The following CD96 variants were observed in gnomAD, a reference collection of about 807,000 sequenced individuals.
The protein encoded by CD96 is T-cell surface protein tactile.
Under a neutral mutation model 71.3 loss-of-function variants are expected in CD96, and 70 were observed. The ratio of observed to expected loss-of-function variants is 0.98; its 90% CI spans 0.81 to 1.20. The LOEUF (loss-of-function observed/expected upper bound fraction) is 1.20, where lower values mean the gene tolerates loss of function less well. CD96 is among the 50% of genes most tolerant of loss of function. The pLI is 0.00. For synonymous variants in CD96, 248 were observed against 233.0 expected (o/e 1.06, Z -0.59); for missense variants, 742 against 677.5 (o/e 1.10, Z -1.06).
At chr3:111,622,165 T>C (rs1045945848) in intron 8 of CD96, among the ~76,000 whole-genome samples, 50 of 152,214 alleles carry the variant, frequency 3.3e-4, no homozygotes, top group African/African-American at 1.2e-3. Flanking sequence ...TGCAACACTT[T>C]GGAATGTAGT....
At chr3:111,591,371 T>TAAAAA (rs3082283) in intron 5 of CD96, among the ~76,000 whole-genome samples, 33 of 88,130 alleles carry the variant, frequency 3.7e-4, no homozygotes, top group African/African-American at 1.5e-3. Context: ...GACTCCATCT[T>TAAAAA]AAAAAAAAAA....
At chr3:111,591,481 G>A (rs2107620065) in intron 5 of CD96, among the ~76,000 whole-genome samples, 1 of 151,484 alleles carries the variant, frequency 6.6e-6, no homozygotes, top group Middle Eastern at 3.4e-3. Context: ...TGTTTATTTG[G>A]TTTGGGTTTT....
downstream of CD96, among the ~76,000 whole-genome samples, chr3:111,654,904 C>T (rs2107805508): frequency 6.6e-6 from 1 of 152,346 alleles, no homozygotes; most frequent in East Asian, 1.9e-4. Context: ...ACAACAGTTA[C>T]ATGAATCCTG....
At chr3:111,554,934 A>G (rs907078033) in intron 2 of CD96, among the ~76,000 whole-genome samples, 2 of 152,016 alleles carry the variant, frequency 1.3e-5, no homozygotes. Flanking sequence ...AGATTCTCAT[A>G]AGGAGCACAC....
chr3:111,645,539 C>T (rs957025334), intron 12 of CD96, among the ~76,000 whole-genome samples: 1 of 151,984 alleles, frequency 6.6e-6, no homozygotes, highest in South Asian at 2.1e-4. Flanking sequence ...TAAAATAAAA[C>T]CTTTTGTTCT....
At chr3:111,578,974 T>C in intron 3 of CD96, 53 bp from the exon 4 acceptor site, 1 of 887,638 alleles carries the variant, frequency 1.1e-6, no homozygotes. Flanking sequence ...AATGCCTAGT[T>C]CAGAGCTGGC....
At chr3:111,665,145 G>T (rs1576447261) in intron 14 of CD96, among the ~76,000 whole-genome samples, 1 of 151,992 alleles carries the variant, frequency 6.6e-6, no homozygotes, top group Non-Finnish European at 1.5e-5. Context: ...AATTGTTAAA[G>T]ACAGATGAAT....
At chr3:111,632,391 G>C (rs1193749881) in intron 10 of CD96, among the ~76,000 whole-genome samples, 1 of 152,144 alleles carries the variant, frequency 6.6e-6, no homozygotes, top group East Asian at 1.9e-4. Context: ...CTGATCATTA[G>C]AGAAATGCAA....
At chr3:111,570,225 G>T (rs1230058104) in intron 3 of CD96, among the ~76,000 whole-genome samples, 1 of 152,164 alleles carries the variant, frequency 6.6e-6, no homozygotes, top group Non-Finnish European at 1.5e-5. Flanking sequence ...TGAGCAGCAG[G>T]GAGCCCTTAG....
chr3:111,644,746 G>T (rs990869879), intron 12 of CD96, among the ~76,000 whole-genome samples: 3 of 152,012 alleles, frequency 2.0e-5, no homozygotes, highest in Non-Finnish European at 4.4e-5. Flanking sequence ...TATACAAATG[G>T]CTAACAAACA....
chr3:111,578,319 T>A (rs1277405694), intron 3 of CD96, among the ~76,000 whole-genome samples: 2 of 152,218 alleles, frequency 1.3e-5, no homozygotes, highest in African/African-American at 4.8e-5. Context: ...AAGAACCAAG[T>A]ACCTCAAATA....
chr3:111,640,381 G>A (rs755446690), intron 12 of CD96, among the ~76,000 whole-genome samples: 1 of 152,036 alleles, frequency 6.6e-6, no homozygotes, highest in African/African-American at 2.4e-5. Context: ...ACAAATAGAA[G>A]AAAGAAATTC....
At chr3:111,563,088 C>G (rs577754073) in intron 2 of CD96, among the ~76,000 whole-genome samples, 2 of 152,206 alleles carry the variant, frequency 1.3e-5, no homozygotes, top group Non-Finnish European at 2.9e-5. Flanking sequence ...GGGCAAGAGA[C>G]AAAAGGGGAA....
At position 111,593,527 on chromosome 3, in the gene CD96, A is replaced by G. The variant is rs755544182; in HGVS notation, c.808-4593A>G. 3.3e-6 allele frequency: 5 copies of G among 1,509,882 alleles called. No homozygotes were observed. In the East Asian group the frequency reaches 1.1e-4, roughly 34 times the overall value. The allele number at this position is 1,509,882 out of a possible 1,614,324, so 93.5% of individuals were successfully genotyped here. On this transcript the variant is annotated intron_variant, in intron 5 of 13. Transcript: ENST00000352690. ...AGTCTAGAGTCAATGTTTTCAGAAT[A>G]GATTCTCCAAGCCCAATTTAAACAA...
intron 5 of CD96, chr3:111,593,977 A>G: frequency 6.2e-7 from 1 of 1,614,112 alleles, no homozygotes; most frequent in Non-Finnish European, 8.5e-7. Flanking sequence ...GGCAGGTGGC[A>G]TACTGGTTGG....
intron 7 of CD96, among the ~76,000 whole-genome samples, chr3:111,606,312 T>C (rs1372148826): frequency 6.6e-6 from 1 of 152,248 alleles, no homozygotes; most frequent in Non-Finnish European, 1.5e-5. Flanking sequence ...AACTGCATGA[T>C]TACTTTTCAA....
At chr3:111,663,758 T>TA (rs1201427172) in intron 14 of CD96, among the ~76,000 whole-genome samples, 4 of 151,526 alleles carry the variant, frequency 2.6e-5, no homozygotes, top group South Asian at 4.2e-4. Flanking sequence ...TACACTTTTT[T>TA]TTTTTTTTGA....
chr3:111,649,603 G>A (rs1939987204), intron 13 of CD96, 95 bp from the exon 14 acceptor site: 2 of 840,324 alleles, frequency 2.4e-6, no homozygotes, highest in Non-Finnish European at 2.1e-6. Flanking sequence ...TCATCAATCT[G>A]TGTTCTCCTT....
chr3:111,577,056 A>G (rs974627074), intron 3 of CD96, among the ~76,000 whole-genome samples: 5 of 152,180 alleles, frequency 3.3e-5, no homozygotes, highest in African/African-American at 4.8e-5. Context: ...TGCCCAGGGG[A>G]AAAAAGCAAC....
Sources: gnomAD v4.1 joint callset for allele counts (sites outside exome capture counted in the v4.1 genomes callset) on GRCh38, gnomAD v4.1.1 for gene constraint, MANE v1.5 for transcripts, NCBI Gene and HGNC (gene_info 2026-07-23, HGNC 2026-07-21) for gene names.